Variants in SANBR observed in about 807,000 individuals in gnomAD.
SANBR encodes SANT and BTB domain regulator of CSR.
Under a neutral mutation model 101.8 loss-of-function variants are expected in SANBR, and 77 were observed. The ratio of observed to expected loss-of-function variants is 0.76; its 90% confidence interval spans 0.63 to 0.91. SANBR has a LOEUF of 0.91. Ranked by LOEUF, SANBR falls within the 40% of genes least tolerant of loss-of-function variation. The pLI, the probability that SANBR is intolerant of heterozygous loss-of-function variation, is 0.00. For synonymous variants in SANBR, 279 were observed against 274.7 expected, an observed-to-expected ratio of 1.02 and a Z score of -0.15; for missense variants, 875 against 853.0, an observed-to-expected ratio of 1.03 and a Z score of -0.32.
intron 16 of SANBR, among the ~76,000 whole-genome samples, chr2:61,114,116 G>A (rs1239659375): frequency 6.6e-6 from 1 of 152,012 alleles, no homozygotes; most frequent in Non-Finnish European, 1.5e-5. Context: ...ATCACTGCAG[G>A]AGTCTGATCC....
intron 8 of SANBR, among the ~76,000 whole-genome samples, chr2:61,086,441 G>C (rs771233694): frequency 6.6e-6 from 1 of 151,932 alleles, no homozygotes; most frequent in Non-Finnish European, 1.5e-5. Flanking sequence ...TTAATTGTTA[G>C]CAAAATAGTA....
intron 12 of SANBR, among the ~76,000 whole-genome samples, chr2:61,100,650 T>C (rs979225168): frequency 6.6e-6 from 1 of 152,182 alleles, no homozygotes; most frequent in African/African-American, 2.4e-5. Flanking sequence ...TCCAATCCAA[T>C]GCTTTTTCTG....
rs1012795170 is a variant in SANBR, at chr2:61,118,133, A to G, written c.2028+17A>G. The stretch of plus-strand genomic sequence containing the variant: ...GCAAAAGAAGTAAGAATTGTGTACT[A>G]GTGTATTGTACTTGTGTAAAATATG... On this transcript the variant is annotated intron_variant, in intron 20 of 21. Coordinates refer to ENST00000402291, the MANE Select transcript of SANBR (RefSeq NM_001129993.3). The G allele has an allele frequency of 1.3e-6, 2 of 1,554,702 alleles. No individual in the cohort carries two copies. The highest frequency in any genetic ancestry group is 1.8e-6 in the Non-Finnish European group (2 of 1,129,198).
chr2:61,071,686 A>G lies in SANBR; in HGVS notation c.231A>G (p.Gly77=), dbSNP rs1573583000. The change falls in exon 4 of 22, where the codon GGA becomes GGG. Residue 77 remains glycine (G), a synonymous_variant. Transcript: ENST00000402291. ...DNQYNSLMAA[G]ESPVETLATY... ...AGTATAATTCCCTAATGGCTGCTGG[A>G]GAGAGTCCTGTTGAAACTTTAGCCA... The G allele has an allele frequency of 7.5e-6, 12 of 1,606,196 alleles. No individual in the cohort carries two copies. The highest frequency in any genetic ancestry group is 1.0e-5 in the Non-Finnish European group (12 of 1,177,202).
chr2:61,116,308 A>G (rs1205956973), intron 17 of SANBR, among the ~76,000 whole-genome samples: 4 of 152,202 alleles, frequency 2.6e-5, no homozygotes, highest in Admixed American at 2.0e-4. Context: ...GGGGAAATAT[A>G]TAAATAACTT....
rs201047293 is a variant in SANBR at position 61,070,454 on chromosome 2, A to C, written c.104A>C (p.Asn35Thr). ...YPLIGIPQTI[N>T]WETIARLVPG... is the part of the protein sequence containing the mutation. ...TTAATTGGAATCCCTCAGACTATCA[A>C]CTGGGAAACTATAGCAAGGCTCGTG... Residue 35 changes from asparagine (N) to threonine (T), a missense_variant, in exon 3 of 22, where the codon AAC (asparagine) becomes ACC (threonine). Coordinates refer to ENST00000402291, the MANE Select transcript of SANBR (RefSeq NM_001129993.3). 15 of 1,602,976 alleles carry C rather than the reference A, an allele frequency of 9.4e-6. No individual in the cohort carries two copies. Among genetic ancestry groups the C allele is most frequent in the African/African-American group, 1.3e-5 (1 of 74,130 alleles).
chr2:61,095,655 C>T (rs1682994641), intron 11 of SANBR, among the ~76,000 whole-genome samples: 1 of 152,268 alleles, frequency 6.6e-6, no homozygotes, highest in East Asian at 1.9e-4. Context: ...GAGTCCCTCT[C>T]CTCCCCGACA....
intron 6 of SANBR, 79 bp from the exon 7 acceptor site, chr2:61,081,373 T>C: frequency 7.3e-7 from 1 of 1,373,846 alleles, no homozygotes; most frequent in Non-Finnish European, 9.9e-7. Flanking sequence ...TAATGTCCTC[T>C]TTTAAGGTAA....
chr2:61,092,407 A>T, intron 10 of SANBR, 57 bp from the exon 11 acceptor site: 1 of 1,321,418 alleles, frequency 7.6e-7, no homozygotes, highest in Non-Finnish European at 1.0e-6. Context: ...AATTAAATAA[A>T]TAAATAAAAC....
At chr2:61,121,669 A>G (rs1177283) in intron 21 of SANBR, 102,344 of 169,294 alleles carry the variant, frequency 0.6, 33,037 homozygotes, top group African/African-American at 0.85. Context: ...AATCTAACTG[A>G]TGGGTCTTAT....
chr2:61,118,146 T>A, intron 20 of SANBR, 30 bp downstream of exon 20: 1 of 1,412,690 alleles, frequency 7.1e-7, no homozygotes, highest in Non-Finnish European at 9.9e-7. Flanking sequence ...GTATTGTACT[T>A]GTGTAAAATA....
intron 11 of SANBR, among the ~76,000 whole-genome samples, chr2:61,093,539 G>A (rs1682880572): frequency 6.6e-6 from 1 of 152,102 alleles, no homozygotes; most frequent in South Asian, 2.1e-4. Context: ...AGGTTGCGGT[G>A]AGCTGAGATT....
chr2:61,123,425 T>C lies in SANBR; in HGVS notation c.*1263T>C. ...AGTTGATAAATGAAGCTAGATGTTA[T>C]TTGATAACTGGCTTTGCCAAGGTTT... On this transcript the variant is annotated 3_prime_UTR_variant, in exon 22 of 22. Coordinates refer to ENST00000402291, the MANE Select transcript of SANBR (RefSeq NM_001129993.3). 1.0e-6 allele frequency: 1 copy of C among 985,134 alleles called. No homozygotes were observed. The highest frequency in any genetic ancestry group is 1.7e-5 in the African/African-American group (1 of 57,366). The allele number at this position is 985,134 out of a possible 1,614,324, so 61.0% of individuals were successfully genotyped here. A position where few individuals can be genotyped will look rare whatever the true frequency, so the allele number is the denominator to read the frequency against.
rs549952204 is a variant in SANBR, at chr2:61,106,803, C to G, written c.1611+141C>G. On this transcript the variant is annotated intron_variant, in intron 14 of 21. Coordinates refer to ENST00000402291, the MANE Select transcript of SANBR (RefSeq NM_001129993.3). Reference sequence around the variant, plus strand: ...AGGTATTATGCCTAGTAATAGGACTCTAAGGGCAATAGGACACATTTCTTG... The same window carrying G: ...AGGTATTATGCCTAGTAATAGGACTGTAAGGGCAATAGGACACATTTCTTG... The G allele has an allele frequency of 1.5e-4, 79 of 519,454 alleles. 1 individual carries two copies. The highest frequency in any genetic ancestry group is 1.5e-3 in the African/African-American group (74 of 49,600). 32.2% of individuals were successfully genotyped at this position (519,454 alleles called of 1,614,324 possible). A position where few individuals can be genotyped will look rare whatever the true frequency, so the allele number is the denominator to read the frequency against.
Position 61,077,308 on chromosome 2 carries a change from CT to C in SANBR, c.670+156del, listed in dbSNP as rs991612511. The C allele has an allele frequency of 4.6e-6, 3 of 648,336 alleles. No individual in the cohort carries two copies. In the African/African-American group the frequency reaches 5.5e-5, roughly 12 times the overall value. The allele number at this position is 648,336 out of a possible 1,614,324, so 40.2% of individuals were successfully genotyped here. On this transcript the variant is annotated intron_variant, in intron 6 of 21. Coordinates refer to ENST00000402291, the MANE Select transcript of SANBR (RefSeq NM_001129993.3). Reference sequence around the variant, plus strand: ...CCTTTTAGGAAACTGATAACCTCATCTTTTTTAGTAAATTATAGTAAATTTA... The same window carrying C: ...CCTTTTAGGAAACTGATAACCTCATCTTTTTAGTAAATTATAGTAAATTTA...
rs1002948247 is a variant in SANBR at position 61,070,492 on chromosome 2, C to G, written c.142C>G (p.Pro48Ala). 3 of 1,605,286 alleles carry G rather than the reference C, an allele frequency of 1.9e-6. No individual in the cohort carries two copies. In the Middle Eastern group the frequency reaches 5.0e-4, roughly 265 times the overall value. The change falls in exon 3 of 22, where the codon CCA becomes GCA. Residue 48 changes from proline (P) to alanine (A), a missense_variant. Pro to Ala is a conservative substitution (Grantham distance 27). Coordinates refer to ENST00000402291, the MANE Select transcript of SANBR (RefSeq NM_001129993.3). ...AGCAAGGCTCGTGCCTGGATTAACA[C>G]CAAAAGAGGTAAATAACAGTCCCCC... ...TIARLVPGLT[P>A]KECAKRFDEL...
chr2:61,104,762 G>A (rs1378532016), intron 13 of SANBR, among the ~76,000 whole-genome samples: 1 of 151,966 alleles, frequency 6.6e-6, no homozygotes, highest in Admixed American at 6.6e-5. Context: ...AGAGGCTGGA[G>A]GACTCTTTAA....
At chr2:61,133,472 G>A (rs1051787892) in intron 20 of SANBR, among the ~76,000 whole-genome samples, 3 of 151,772 alleles carry the variant, frequency 2.0e-5, no homozygotes, top group African/African-American at 7.3e-5. Flanking sequence ...AAAAATGAAG[G>A]CTGGTCATGG....
chr2:61,132,427 C>A (rs1321514650), intron 20 of SANBR, among the ~76,000 whole-genome samples: 1 of 152,170 alleles, frequency 6.6e-6, no homozygotes, highest in African/African-American at 2.4e-5. Flanking sequence ...TGCTCAACAT[C>A]ATTGGCCATC....
Sources: allele counts gnomAD v4.1 joint callset (sites outside exome capture counted in the v4.1 genomes callset), GRCh38; gene constraint gnomAD v4.1.1; transcripts MANE v1.5; gene names NCBI Gene and HGNC (gene_info 2026-07-23, HGNC 2026-07-21).